Variants in GPM6B observed in about 807,000 individuals in gnomAD.
The protein encoded by GPM6B is neuronal membrane glycoprotein M6-b.
GPM6B carries 4 observed loss-of-function variants against 27.2 expected under a neutral mutation model. The ratio of observed to expected loss-of-function variants is 0.15; its 90% confidence interval spans 0.07 to 0.34. GPM6B has a LOEUF of 0.34. Ranked by LOEUF, GPM6B falls within the 10% of genes least tolerant of loss-of-function variation. GPM6B has a pLI of 1.00. For missense variants in GPM6B, 183 were observed against 261.9 expected, an observed-to-expected ratio of 0.70 and a Z score of 2.08; for synonymous variants, 124 against 103.1, an observed-to-expected ratio of 1.20 and a Z score of -1.23.
At chrX:13,920,198 C>T (rs1434620084) in intron 1 of GPM6B, among the ~76,000 whole-genome samples, 3 of 86,423 alleles carry the variant, frequency 3.5e-5, no homozygotes, top group East Asian at 8.3e-4. Context: ...ACTCAGGAGG[C>T]GGAGGTTGCA....
rs879043216 is a variant in GPM6B, at chrX:13,772,820, G to T, written c.*61C>A. On this transcript the variant is annotated 3_prime_UTR_variant, in exon 8 of 8. Transcript: ENST00000316715. The stretch of plus-strand genomic sequence containing the variant: ...GTGGGATACACATCTGTACTGCAGA[G>T]CAGCTGTCTGATGATTTGTCAGAGC... 9 of 1,093,269 alleles carry T rather than the reference G, an allele frequency of 8.2e-6. No individual in the cohort carries two copies. The South Asian group carries it at 1.8e-4, about 22-fold the overall frequency. The allele number at this position is 1,093,269 out of a possible 1,213,427, so 90.1% of individuals were successfully genotyped here. A position where few individuals can be genotyped will look rare whatever the true frequency, so the allele number is the denominator to read the frequency against.
chrX:13,919,467 A>T (rs192395897), intron 1 of GPM6B, among the ~76,000 whole-genome samples: 59 of 112,410 alleles, frequency 5.2e-4, no homozygotes, highest in Non-Finnish European at 9.8e-4. Context: ...TCTCACAAAG[A>T]TGTTAAAGAT....
intron 1 of GPM6B, among the ~76,000 whole-genome samples, chrX:13,912,986 AGT>A (rs2050391555): frequency 8.9e-6 from 1 of 112,676 alleles, no homozygotes; most frequent in Non-Finnish European, 1.9e-5. Context: ...CATATACTTT[AGT>A]TACCTTTTAT....
At chrX:13,774,617 T>C (rs746358961) in intron 7 of GPM6B, 1 of 1,201,950 alleles carries the variant, frequency 8.3e-7, no homozygotes, top group Non-Finnish European at 1.1e-6. Flanking sequence ...AGCCATCATG[T>C]AGATCAGCTG....
At chrX:13,816,779 C>G in intron 1 of GPM6B, 65 bp downstream of exon 1, 1 of 1,146,292 alleles carries the variant, frequency 8.7e-7, no homozygotes, top group Non-Finnish European at 1.2e-6. Context: ...CAAAACCCAG[C>G]TAACCCTTTT....
intron 2 of GPM6B, among the ~76,000 whole-genome samples, chrX:13,795,014 G>A (rs1015271482): frequency 3.6e-5 from 4 of 112,213 alleles, no homozygotes; most frequent in Non-Finnish European, 7.5e-5. Flanking sequence ...TCACTTCAAA[G>A]AAAACAACTG....
At chrX:13,818,765 G>A (rs898480141), upstream of GPM6B, among the ~76,000 whole-genome samples, 2 of 112,469 alleles carry the variant, frequency 1.8e-5, no homozygotes, top group African/African-American at 3.2e-5. Context: ...TGTCCGGATA[G>A]GACAGTCTTA....
chrX:13,810,508 T>A (rs1443057848), intron 1 of GPM6B, among the ~76,000 whole-genome samples: 1 of 111,200 alleles, frequency 9.0e-6, no homozygotes, highest in African/African-American at 3.3e-5. Context: ...GACCTCTAGA[T>A]CCCCCACCAT....
intron 1 of GPM6B, among the ~76,000 whole-genome samples, chrX:13,905,300 T>C (rs1447652122): frequency 1.8e-5 from 2 of 109,866 alleles, no homozygotes; most frequent in African/African-American, 3.3e-5. Flanking sequence ...AATCCAATTA[T>C]TTGATGTTCA....
At chrX:13,773,847 CAGTT>C (rs758322461) in intron 7 of GPM6B, 295 of 301,524 alleles carry the variant, frequency 9.8e-4, no homozygotes, top group African/African-American at 4.6e-3. Context: ...TATGAGGAAA[CAGTT>C]AGTTATTACT....
chrX:13,828,308 T>A (rs2049399655), intron 1 of GPM6B, among the ~76,000 whole-genome samples: 1 of 110,296 alleles, frequency 9.1e-6, no homozygotes, highest in Non-Finnish European at 1.9e-5. Flanking sequence ...GATGAATGGA[T>A]TATCATGGGA....
At chrX:13,906,775 C>T (rs1280100216) in intron 1 of GPM6B, among the ~76,000 whole-genome samples, 1 of 111,866 alleles carries the variant, frequency 8.9e-6, no homozygotes, top group Non-Finnish European at 1.9e-5. Context: ...GGAAAAATCA[C>T]CCAAGTTCAT....
chrX:13,810,423 GC>G (rs1447016059), intron 1 of GPM6B, among the ~76,000 whole-genome samples: 1 of 111,844 alleles, frequency 8.9e-6, no homozygotes, highest in Non-Finnish European at 1.9e-5. Flanking sequence ...GCACACAGGT[GC>G]CCAATAAACG....
At chrX:13,837,592 A>C (rs1292601758) in intron 1 of GPM6B, among the ~76,000 whole-genome samples, 5 of 110,332 alleles carry the variant, frequency 4.5e-5, no homozygotes, top group African/African-American at 1.7e-4. Context: ...ATCATCATTC[A>C]TATCTCAGCT....
In GPM6B at chrX:13,937,114, G is replaced by C. The variant is rs139045879; in HGVS notation, c.-198+1213C>G. On this transcript the variant is annotated intron_variant, in intron 1 of 6. Coordinates refer to the GPM6B transcript ENST00000398361. Reference sequence around the variant, plus strand: ...GTTGAATGGTTTGACTGCTCACATGGGGGACATTAAGAGAAGTAGGAACCT... The same window carrying C: ...GTTGAATGGTTTGACTGCTCACATGCGGGACATTAAGAGAAGTAGGAACCT... 1.6e-4 allele frequency among the ~76,000 whole-genome samples: 18 copies of C among 111,343 alleles called. No individual in the cohort carries two copies. In the East Asian group the frequency reaches 3.7e-3, roughly 23 times the overall value.
At position 13,779,818 on chromosome X, in the gene GPM6B, C is replaced by A; in HGVS notation, c.697G>T (p.Gly233Cys). The change falls in exon 5 of 8, where the codon GGT becomes TGT. Residue 233 changes from glycine to cysteine, a missense_variant and splice_region_variant. Coordinates refer to ENST00000316715, the MANE Select transcript of GPM6B (RefSeq NM_001001995.3). ...EQICVDIRQY[G>C]IIPWNAFPGK... ...GGAGGGGTGAATTAGAAGGAAGTAC[C>A]GTATTGTCGGATATCCACACAGATC... The A allele has an allele frequency of 8.6e-7, 1 of 1,157,277 alleles. No homozygotes were observed. Among genetic ancestry groups the A allele is most frequent in the Non-Finnish European group, 1.2e-6 (1 of 858,200 alleles).
upstream of GPM6B, among the ~76,000 whole-genome samples, chrX:13,819,976 G>A (rs997182023): frequency 9.0e-6 from 1 of 111,577 alleles, no homozygotes; most frequent in African/African-American, 3.3e-5. Context: ...GAAAAAGAGG[G>A]TACTGTCAAA....
intron 1 of GPM6B, among the ~76,000 whole-genome samples, chrX:13,916,773 G>A (rs1215867374): frequency 2.7e-5 from 3 of 109,845 alleles, no homozygotes; most frequent in Non-Finnish European, 5.7e-5. Flanking sequence ...CAGCAGAGGA[G>A]AGATACAAAT....
intron 1 of GPM6B, among the ~76,000 whole-genome samples, chrX:13,834,338 C>G (rs1282837787): frequency 1.8e-5 from 2 of 112,707 alleles, no homozygotes; most frequent in Admixed American, 9.4e-5. Context: ...AGATATACAT[C>G]TTTGCCAAGC....
Sources: allele counts gnomAD v4.1 joint callset (sites outside exome capture counted in the v4.1 genomes callset), GRCh38; gene constraint gnomAD v4.1.1; transcripts MANE v1.5; gene names NCBI Gene and HGNC (gene_info 2026-07-23, HGNC 2026-07-21).